Variants in PDHA1 observed in about 807,000 individuals in gnomAD.
PDHA1 encodes pyruvate dehydrogenase E1 subunit alpha 1.
In PDHA1, 1 loss-of-function variant was observed where a neutral mutation model predicts 33.0. The observed-to-expected ratio is 0.03, with a 90% CI of 0.01 to 0.14. PDHA1 has a LOEUF of 0.14. PDHA1 is among the 10% of genes least tolerant of loss of function. PDHA1 has a pLI of 1.00. For missense variants in PDHA1, 168 were observed against 325.1 expected, an observed-to-expected ratio of 0.52 and a Z score of 3.72; for synonymous variants, 123 against 119.2, an observed-to-expected ratio of 1.03 and a Z score of -0.21.
intron 9 of PDHA1, among the ~76,000 whole-genome samples, chrX:19,358,402 AT>A (rs1210074024): frequency 8.9e-6 from 1 of 111,862 alleles, no homozygotes; most frequent in African/African-American, 3.2e-5. Context: ...CATAAGATAC[AT>A]TGGTTTTGCT....
intron 6 of PDHA1, among the ~76,000 whole-genome samples, chrX:19,354,986 C>T (rs1178549895): frequency 8.9e-6 from 1 of 112,810 alleles, no homozygotes; most frequent in Non-Finnish European, 1.9e-5. Context: ...CAGTCTGTGG[C>T]CAGCACTCTG....
intron 9 of PDHA1, among the ~76,000 whole-genome samples, chrX:19,357,959 A>G (rs1354893058): frequency 8.9e-6 from 1 of 112,177 alleles, no homozygotes; most frequent in Non-Finnish European, 1.9e-5. Flanking sequence ...AGAGTGTTAT[A>G]TACCTTAATT....
intron 1 of PDHA1, among the ~76,000 whole-genome samples, chrX:19,348,278 A>AC (rs2063145489): frequency 9.0e-6 from 1 of 111,537 alleles, no homozygotes; most frequent in Admixed American, 9.5e-5. Flanking sequence ...ATCATTTCTC[A>AC]CCCCCCGCCT....
intron 3 of PDHA1, among the ~76,000 whole-genome samples, chrX:19,350,492 C>T: frequency 8.9e-6 from 1 of 112,178 alleles, no homozygotes. Flanking sequence ...TCTCAAACTT[C>T]TGGGCTCAAG....
In PDHA1 at chrX:19,359,715, A is replaced by G; in HGVS notation, c.*62A>G. Reference sequence around the variant, plus strand: ...ACCAGACAGTGTTCTCAACTTGGTTAAGGAGGAAGAAAACCCAGTCAATGA... The same window carrying G: ...ACCAGACAGTGTTCTCAACTTGGTTGAGGAGGAAGAAAACCCAGTCAATGA... On this transcript the variant is annotated 3_prime_UTR_variant, in exon 11 of 11. Transcript: ENST00000422285. 9.7e-7 allele frequency: 1 copy of G among 1,028,973 alleles called. No homozygotes were observed. Among genetic ancestry groups the G allele is most frequent in the Non-Finnish European group, 1.4e-6 (1 of 730,701 alleles). The allele number at this position is 1,028,973 out of a possible 1,213,427, so 84.8% of individuals were successfully genotyped here. A position where few individuals can be genotyped will look rare whatever the true frequency, so the allele number is the denominator to read the frequency against.
At position 19,355,497 on chromosome X, in the gene PDHA1, G is replaced by C; in HGVS notation, c.752G>C (p.Gly251Ala). The C allele has an allele frequency of 8.3e-7, 1 of 1,209,175 alleles. No individual in the cohort carries two copies. The highest frequency in any genetic ancestry group is 1.1e-6 in the Non-Finnish European group (1 of 895,414). The part of the protein sequence containing the change: ...DYYKRGDFIP[G>A]LRVDGMDILC... ...TACAAGAGAGGCGATTTCATTCCTG[G>C]GCTGAGAGTAAGGACACCTGTGGTG... The change falls in exon 7 of 11, where the codon GGG (glycine) becomes GCG (alanine). Residue 251 changes from glycine to alanine, a missense_variant. By Grantham distance (60) the Gly-to-Ala change is moderately conservative. This residue lies in a region of PDHA1 where 27 missense variants were observed against 43.8 expected (regional missense o/e 0.62). Coordinates refer to ENST00000422285, the MANE Select transcript of PDHA1 (RefSeq NM_000284.4).
At position 19,359,706 on chromosome X, in the gene PDHA1, A is replaced by C; in HGVS notation, c.*53A>C. ...CAGGGGGCTACCAGACAGTGTTCTC[A>C]ACTTGGTTAAGGAGGAAGAAAACCC... On this transcript the variant is annotated 3_prime_UTR_variant, in exon 11 of 11. Coordinates refer to ENST00000422285, the MANE Select transcript of PDHA1 (RefSeq NM_000284.4). 1.8e-6 allele frequency: 2 copies of C among 1,085,804 alleles called. No individual in the cohort carries two copies. Among genetic ancestry groups the C allele is most frequent in the African/African-American group, 1.8e-5 (1 of 55,288 alleles). 89.5% of individuals were successfully genotyped at this position (1,085,804 alleles called of 1,213,427 possible).
chrX:19,360,641 G>A lies in PDHA1; in HGVS notation c.*988G>A, dbSNP rs1000809999. The A allele has an allele frequency of 2.8e-5, 16 of 574,911 alleles. No homozygotes were observed. Among genetic ancestry groups the A allele is most frequent in the Non-Finnish European group, 4.2e-5 (15 of 352,951 alleles). 47.4% of individuals were successfully genotyped at this position (574,911 alleles called of 1,213,427 possible). ...GTTCTTAAACTATTAATTGAACAATGGCATTTTTAAATATGTAAACACAGC... is the reference window on the plus strand; with the variant it reads ...GTTCTTAAACTATTAATTGAACAATAGCATTTTTAAATATGTAAACACAGC... On this transcript the variant is annotated 3_prime_UTR_variant, in exon 11 of 11. Transcript: ENST00000422285.
At chrX:19,347,438 G>A (rs985836601) in intron 1 of PDHA1, among the ~76,000 whole-genome samples, 39 of 112,632 alleles carry the variant, frequency 3.5e-4, no homozygotes, top group Non-Finnish European at 7.5e-5. Flanking sequence ...TGAAGCCATG[G>A]GAGAAAGTAT....
At position 19,344,244 on chromosome X, in the gene PDHA1, C is replaced by T. The variant is rs2063115904; in HGVS notation, c.57+150C>T. The stretch of plus-strand genomic sequence containing the variant: ...TACTTCGCCTCCGCGCCCTGCATTC[C>T]GTTCCTGGCCTCGGGAGAAGCGGCA... On this transcript the variant is annotated intron_variant, in intron 1 of 10. Transcript: ENST00000422285. The T allele has an allele frequency of 6.1e-6, 3 of 487,828 alleles. No homozygotes were observed. The East Asian group carries it at 1.1e-4, about 18-fold the overall frequency. The allele number at this position is 487,828 out of a possible 1,213,427, so 40.2% of individuals were successfully genotyped here. A position where few individuals can be genotyped will look rare whatever the true frequency, so the allele number is the denominator to read the frequency against.
At chrX:19,353,332 GATT>G in intron 5 of PDHA1, 159 bp downstream of exon 5, 1 of 504,734 alleles carries the variant, frequency 2.0e-6, no homozygotes, top group Non-Finnish European at 3.6e-6. Flanking sequence ...GGACCCATAA[GATT>G]ATAATGGAGC....
intron 5 of PDHA1, among the ~76,000 whole-genome samples, chrX:19,353,932 GT>G (rs904387817): frequency 4.6e-5 from 5 of 109,393 alleles, no homozygotes; most frequent in African/African-American, 1.7e-4. Flanking sequence ...ATTATGTGTT[GT>G]TTTTTTTTAA....
At position 19,355,269 on chromosome X, in the gene PDHA1, C is replaced by T. The variant is rs991594384; in HGVS notation, c.604-80C>T. ...TGTGCTTTATGAAAGCTTTCTGTGCCAGGCAGAGCAGCAGCTGTTAGAGAT... is the reference window on the plus strand; with the variant it reads ...TGTGCTTTATGAAAGCTTTCTGTGCTAGGCAGAGCAGCAGCTGTTAGAGAT... On this transcript the variant is annotated intron_variant, in intron 6 of 10. Coordinates refer to ENST00000422285, the MANE Select transcript of PDHA1 (RefSeq NM_000284.4). 15 of 1,081,639 alleles carry T rather than the reference C, an allele frequency of 1.4e-5. No individual in the cohort carries two copies. The African/African-American group carries it at 2.6e-4, about 18-fold the overall frequency. The allele number at this position is 1,081,639 out of a possible 1,213,427, so 89.1% of individuals were successfully genotyped here.
chrX:19,350,255 G>GTC, intron 3 of PDHA1, 145 bp downstream of exon 3: 1 of 506,676 alleles, frequency 2.0e-6, no homozygotes, highest in South Asian at 2.9e-5. Flanking sequence ...TTTTGAGACA[G>GTC]TCTCTCTCTG....
chrX:19,358,037 G>A, intron 9 of PDHA1, among the ~76,000 whole-genome samples: 1 of 109,851 alleles, frequency 9.1e-6, no homozygotes, highest in Non-Finnish European at 1.9e-5. Context: ...TTTAGCTTTT[G>A]TAGGCATTAC....
At chrX:19,358,236 AT>A (rs1455587047) in intron 9 of PDHA1, among the ~76,000 whole-genome samples, 2 of 112,400 alleles carry the variant, frequency 1.8e-5, no homozygotes, top group Non-Finnish European at 3.8e-5. Flanking sequence ...TGATTCTGGA[AT>A]CCCAGTTTTG....
chrX:19,356,674 GAGTTGTAGAATGT>G (rs1201559809), intron 8 of PDHA1, among the ~76,000 whole-genome samples: 2 of 100,226 alleles, frequency 2.0e-5, no homozygotes, highest in African/African-American at 4.8e-5. Context: ...GAGACAAGGG[GAGTTGTAGAATGT>G]AGTTGTAGAA....
chrX:19,357,403 C>T, intron 8 of PDHA1: 1 of 396,748 alleles, frequency 2.5e-6, no homozygotes, highest in East Asian at 4.5e-5. Context: ...GCCTTCAAAG[C>T]CTTTTTGATT....
intron 4 of PDHA1, chrX:19,352,724 C>T: frequency 3.8e-6 from 1 of 261,249 alleles, no homozygotes; most frequent in Non-Finnish European, 7.0e-6. Context: ...TATAAGTGTA[C>T]CTGTGCAGTT....
Sources: allele counts gnomAD v4.1 joint callset (sites outside exome capture counted in the v4.1 genomes callset), GRCh38; gene constraint gnomAD v4.1.1; regional missense constraint gnomAD v4.1.1; transcripts MANE v1.5; gene names NCBI Gene and HGNC (gene_info 2026-07-23, HGNC 2026-07-21).